The following TXLNB variants were observed in gnomAD, a reference collection of about 807,000 sequenced individuals.
TXLNB encodes beta-taxilin.
In TXLNB, 37 loss-of-function variants were observed where a neutral mutation model predicts 57.4. The observed-to-expected ratio is 0.64, with a 90% CI of 0.50 to 0.85. The LOEUF (loss-of-function observed/expected upper bound fraction) is 0.85. Ranked by LOEUF, TXLNB falls within the 40% of genes least tolerant of loss-of-function variation. TXLNB has a pLI of 0.00. For missense variants in TXLNB, 848 were observed against 825.6 expected (o/e 1.03, Z -0.33); for synonymous variants, 302 against 309.6 (o/e 0.98, Z 0.26).
the TXLNB span, among the ~76,000 whole-genome samples, chr6:139,304,741 A>C: frequency 6.6e-6 from 1 of 152,242 alleles, no homozygotes. Context: ...AATGAAGCCA[A>C]ATGAAAAAGA....
chr6:139,279,199 G>A (rs894285526), intron 2 of TXLNB, among the ~76,000 whole-genome samples: 14 of 152,188 alleles, frequency 9.2e-5, no homozygotes, highest in Non-Finnish European at 1.9e-4. Flanking sequence ...ATAGAAATGA[G>A]TGAGTCCAAA....
chr6:139,196,840 T>C, the TXLNB span, among the ~76,000 whole-genome samples: 1 of 152,206 alleles, frequency 6.6e-6, no homozygotes, highest in Admixed American at 6.5e-5. Context: ...ATTTTCTTAA[T>C]TCCAATTCTG....
At chr6:139,304,107 T>C in the TXLNB span, among the ~76,000 whole-genome samples, 66,245 of 151,962 alleles carry the variant, frequency 0.44, 15,355 homozygotes, top group African/African-American at 0.6. Context: ...ATTAAACAGC[T>C]ATGATTCCCT....
the TXLNB span, among the ~76,000 whole-genome samples, chr6:139,199,137 A>G: frequency 6.6e-6 from 1 of 152,068 alleles, no homozygotes; most frequent in East Asian, 1.9e-4. Flanking sequence ...AAAAATATCT[A>G]TATTTAGATC....
chr6:139,186,131 C>T, the TXLNB span, among the ~76,000 whole-genome samples: 1 of 152,066 alleles, frequency 6.6e-6, no homozygotes, highest in Non-Finnish European at 1.5e-5. Context: ...AATTTGATAT[C>T]CATATGCAAA....
At chr6:139,206,840 A>G in the TXLNB span, among the ~76,000 whole-genome samples, 1 of 152,240 alleles carries the variant, frequency 6.6e-6, no homozygotes, top group South Asian at 2.1e-4. Context: ...AGCGAGCAGC[A>G]GTAGTTATTC....
chr6:139,188,475 T>TTTTAA, the TXLNB span, among the ~76,000 whole-genome samples: 1 of 152,106 alleles, frequency 6.6e-6, no homozygotes. Context: ...TAAAACAGGA[T>TTTTAA]CTGTGATCTA....
chr6:139,285,155 A>T (rs1777142051), intron 2 of TXLNB, among the ~76,000 whole-genome samples: 1 of 144,132 alleles, frequency 6.9e-6, no homozygotes. Context: ...CTATTTGGTA[A>T]TTGTAAGGTT....
At chr6:139,220,476 A>G in the TXLNB span, among the ~76,000 whole-genome samples, 1 of 152,138 alleles carries the variant, frequency 6.6e-6, no homozygotes, top group East Asian at 1.9e-4. Flanking sequence ...ATACCATCCA[A>G]AGGGAGGCAG....
At chr6:139,265,262 A>G (rs1776587238) in intron 4 of TXLNB, among the ~76,000 whole-genome samples, 1 of 152,218 alleles carries the variant, frequency 6.6e-6, no homozygotes, top group South Asian at 2.1e-4. Flanking sequence ...TAGGAAAATC[A>G]TGCTCCCTGA....
rs536161330 is a variant in TXLNB at position 139,283,500 on chromosome 6, C to T, written c.424+4976G>A. Among the ~76,000 whole-genome samples the T allele has an allele frequency of 4.0e-4, 56 of 140,378 alleles. 7 individuals carry two copies. The highest frequency in any genetic ancestry group is 1.4e-3 in the African/African-American group (54 of 37,752). 92.1% of individuals were successfully genotyped at this position (140,378 alleles called of 152,430 possible). The stretch of plus-strand genomic sequence containing the variant: ...CTGAGGCAGGAGAATCGATTGAACC[C>T]GGAGGGCGGAGGTTGTGGTGAGCCG... On this transcript the variant is annotated intron_variant, in intron 2 of 9. Coordinates refer to ENST00000358430, the MANE Select transcript of TXLNB (RefSeq NM_153235.4).
the TXLNB span, among the ~76,000 whole-genome samples, chr6:139,204,971 A>G: frequency 6.6e-6 from 1 of 152,068 alleles, no homozygotes; most frequent in Admixed American, 6.5e-5. Flanking sequence ...GCCCAAGGAG[A>G]GTCTGAGCTC....
At chr6:139,308,309 T>C in the TXLNB span, among the ~76,000 whole-genome samples, 6 of 152,158 alleles carry the variant, frequency 3.9e-5, no homozygotes, top group Non-Finnish European at 8.8e-5. Flanking sequence ...ACCTGCCTGG[T>C]TGCAAAAAAT....
chr6:139,244,234 A>G, intron 9 of TXLNB, among the ~76,000 whole-genome samples: 1 of 152,208 alleles, frequency 6.6e-6, no homozygotes, highest in South Asian at 2.1e-4. Flanking sequence ...CAACTAATTA[A>G]TTTATTCAGC....
chr6:139,251,485 A>T (rs1776203810), intron 7 of TXLNB: 1 of 152,198 alleles, frequency 6.6e-6, no homozygotes, highest in Non-Finnish European at 1.5e-5. Flanking sequence ...CTAAATGGAT[A>T]TTTGTTTGGT....
At chr6:139,162,706 T>C in the TXLNB span, among the ~76,000 whole-genome samples, 2 of 152,248 alleles carry the variant, frequency 1.3e-5, no homozygotes, top group Non-Finnish European at 2.9e-5. Flanking sequence ...AATATTTGTA[T>C]AGGCTTTATG....
At chr6:139,164,637 A>G in the TXLNB span, among the ~76,000 whole-genome samples, 28 of 152,294 alleles carry the variant, frequency 1.8e-4, 1 homozygote, top group African/African-American at 6.7e-4. Context: ...CATGGTATAA[A>G]ATCCTACGGA....
rs779979268 is a variant in TXLNB, at chr6:139,247,959, C to T, written c.1078-50G>A. On this transcript the variant is annotated intron_variant, in intron 7 of 9. Coordinates refer to ENST00000358430, the MANE Select transcript of TXLNB (RefSeq NM_153235.4). ...CTTTCAGAATACTTCCAGAAGAAAACATGTCATTGTTCATTATTTAAAGGA... is the reference window on the plus strand; with the variant it reads ...CTTTCAGAATACTTCCAGAAGAAAATATGTCATTGTTCATTATTTAAAGGA... 2.0e-5 allele frequency: 22 copies of T among 1,099,264 alleles called. No homozygotes were observed. In the African/African-American group the frequency reaches 2.2e-4, roughly 11 times the overall value. 68.1% of individuals were successfully genotyped at this position (1,099,264 alleles called of 1,614,324 possible). A position where few individuals can be genotyped will look rare whatever the true frequency, so the allele number is the denominator to read the frequency against.
In TXLNB at chr6:139,260,329, C is replaced by G. The variant is rs1776448373; in HGVS notation, c.991G>C (p.Glu331Gln). 5 of 1,614,002 alleles carry G rather than the reference C, an allele frequency of 3.1e-6. No individual in the cohort carries two copies. The highest frequency in any genetic ancestry group is 4.2e-6 in the Non-Finnish European group (5 of 1,180,016). ...AAAATGATAAATACATATTCCTTTT[C>G]TCGTTTGTGTCGCTCCTCCGCTTCC... ...MKEAEERHKR[E>Q]KEYLLNQAAE... Residue 331 changes from glutamate (E) to glutamine (Q), a missense_variant, in exon 6 of 10, where the codon GAA becomes CAA. Physicochemically the swap from Glu to Gln is conservative, Grantham distance 29 (BLOSUM62 2). Coordinates refer to ENST00000358430, the MANE Select transcript of TXLNB (RefSeq NM_153235.4).
Sources: gnomAD v4.1 joint callset for allele counts (sites outside exome capture counted in the v4.1 genomes callset) on GRCh38, gnomAD v4.1.1 for gene constraint, MANE v1.5 for transcripts, NCBI Gene and HGNC (gene_info 2026-07-23, HGNC 2026-07-21) for gene names.